AJAP1: variants seen among roughly 807,000 people sequenced by gnomAD.
AJAP1 encodes adherens junction-associated protein 1.
In AJAP1, 5 loss-of-function variants were observed where a neutral mutation model predicts 35.0. The observed-to-expected ratio is 0.14, with a 90% confidence interval of 0.07 to 0.30. The LOEUF is 0.30. Among genes scored for constraint, AJAP1 ranks in the 10% least tolerant of loss-of-function variants. AJAP1 has a pLI of 1.00. For synonymous variants in AJAP1, 284 were observed against 249.3 expected, an observed-to-expected ratio of 1.14 and a Z score of -1.31; for missense variants, 586 against 571.0, an observed-to-expected ratio of 1.03 and a Z score of -0.27.
At chr1:4,664,387 A>C (rs1422375588) in intron 1 of AJAP1, among the ~76,000 whole-genome samples, 1 of 152,136 alleles carries the variant, frequency 6.6e-6, no homozygotes, top group Admixed American at 6.5e-5. Flanking sequence ...TGCCCATGGT[A>C]TGGAGGTGAA....
intron 2 of AJAP1, among the ~76,000 whole-genome samples, chr1:4,737,996 A>G (rs888868853): frequency 2.0e-5 from 3 of 152,224 alleles, no homozygotes; most frequent in Admixed American, 6.5e-5. Flanking sequence ...TCAGTTTCAC[A>G]AGAGCTGGTT....
chr1:4,733,618 G>T lies in AJAP1; in HGVS notation c.829+20919G>T, dbSNP rs142712160. Among the ~76,000 whole-genome samples, 502 of 151,764 alleles carry T rather than the reference G, an allele frequency of 3.3e-3. 4 individuals are homozygous for T. Among genetic ancestry groups the T allele is most frequent in the African/African-American group, 0.012 (484 of 41,356 alleles). On this transcript the variant is annotated intron_variant, in intron 2 of 5. Coordinates refer to ENST00000378191, the MANE Select transcript of AJAP1 (RefSeq NM_018836.4). The stretch of plus-strand genomic sequence containing the variant: ...GAGGCCCGCCCTCCTTGTTCTGGAA[G>T]AATGGGATGTGGAACACAGATCCTG...
rs934689883 is a variant in AJAP1 at position 4,675,112 on chromosome 1, C to T, written c.29+19658C>T. 2.6e-5 allele frequency among the ~76,000 whole-genome samples: 4 copies of T among 152,286 alleles called. No individual in the cohort carries two copies. In the South Asian group the frequency reaches 8.3e-4, roughly 32 times the overall value. On this transcript the variant is annotated intron_variant, in intron 1 of 5. Transcript: ENST00000378191. ...GCAAAACCCGTGCCCTCCTCTCCTCCCTAGGCCAGCAATGGGTGTGGGCTT... is the reference window on the plus strand; with the variant it reads ...GCAAAACCCGTGCCCTCCTCTCCTCTCTAGGCCAGCAATGGGTGTGGGCTT...
At position 4,768,621 on chromosome 1, in the gene AJAP1, C is replaced by G. The variant is rs1347292996; in HGVS notation, c.830-1232C>G. 2.6e-5 allele frequency among the ~76,000 whole-genome samples: 4 copies of G among 152,208 alleles called. 1 individual carries two copies. On this transcript the variant is annotated intron_variant, in intron 2 of 5. Coordinates refer to ENST00000378191, the MANE Select transcript of AJAP1 (RefSeq NM_018836.4). Reference sequence around the variant, plus strand: ...GGTTGGTCAGGTGTGAGGGGCGGGTCTCTGCAAAGCAGACACCAAGATGGA... The same window carrying G: ...GGTTGGTCAGGTGTGAGGGGCGGGTGTCTGCAAAGCAGACACCAAGATGGA...
intron 2 of AJAP1, among the ~76,000 whole-genome samples, chr1:4,757,974 A>G (rs1442850612): frequency 6.6e-6 from 1 of 152,066 alleles, no homozygotes; most frequent in Non-Finnish European, 1.5e-5. Flanking sequence ...GATCACCCTC[A>G]TGCTGTTTCT....
rs557548171 is a variant in AJAP1 at position 4,786,630 on chromosome 1, A to G, written c.*4145A>G. 27 of 152,206 alleles carry G rather than the reference A, an allele frequency of 1.8e-4. No individual in the cohort carries two copies. Among genetic ancestry groups the G allele is most frequent in the African/African-American group, 6.0e-4 (25 of 41,544 alleles). The allele number at this position is 152,206 out of a possible 1,614,324, so 9.4% of individuals were successfully genotyped here. ...GACCCTGTCACCTTGGATGGTCTCT[A>G]TTTTGACCCTGTTGCCCATGGAGAG... On this transcript the variant is annotated 3_prime_UTR_variant, in exon 6 of 6. Coordinates refer to ENST00000378191, the MANE Select transcript of AJAP1 (RefSeq NM_018836.4).
chr1:4,664,521 C>T (rs1639073589), intron 1 of AJAP1, among the ~76,000 whole-genome samples: 1 of 152,164 alleles, frequency 6.6e-6, no homozygotes, highest in Admixed American at 6.5e-5. Flanking sequence ...GCTTAGAGTA[C>T]AGCAGGGACC....
intron 2 of AJAP1, among the ~76,000 whole-genome samples, chr1:4,764,349 A>G (rs1030088310): frequency 6.6e-6 from 1 of 152,040 alleles, no homozygotes; most frequent in East Asian, 1.9e-4. Flanking sequence ...ATTTTTTCTT[A>G]GCAGCCTGTT....
At chr1:4,778,607 CTCTCTCTT>C (rs751812424) in intron 5 of AJAP1, among the ~76,000 whole-genome samples, 3 of 138,522 alleles carry the variant, frequency 2.2e-5, no homozygotes, top group Admixed American at 1.5e-4. Flanking sequence ...CTCTCTCTCT[CTCTCTCTT>C]CTCTCTGTCT....
intron 1 of AJAP1, among the ~76,000 whole-genome samples, chr1:4,681,251 C>A (rs950406921): frequency 6.6e-6 from 1 of 152,214 alleles, no homozygotes; most frequent in Admixed American, 6.5e-5. Context: ...CTTTGGAAGC[C>A]CGTGTTTTCA....
At chr1:4,731,227 T>C (rs576557761) in intron 2 of AJAP1, among the ~76,000 whole-genome samples, 11 of 152,194 alleles carry the variant, frequency 7.2e-5, no homozygotes, top group African/African-American at 2.6e-4. Flanking sequence ...ATTACAGGCA[T>C]GCACCACCAT....
chr1:4,702,120 T>C (rs1640002317), intron 1 of AJAP1, among the ~76,000 whole-genome samples: 1 of 151,898 alleles, frequency 6.6e-6, no homozygotes, highest in Non-Finnish European at 1.5e-5. Context: ...TCCCCAGTAT[T>C]CCAACGTGTC....
intron 3 of AJAP1, among the ~76,000 whole-genome samples, chr1:4,771,379 C>T (rs1027435502): frequency 1.3e-5 from 2 of 152,194 alleles, no homozygotes; most frequent in Non-Finnish European, 2.9e-5. Context: ...AGGAGACGGG[C>T]GCATCCCCCC....
intron 1 of AJAP1, among the ~76,000 whole-genome samples, chr1:4,691,823 G>A (rs1639746795): frequency 6.6e-6 from 1 of 152,134 alleles, no homozygotes; most frequent in Admixed American, 6.5e-5. Context: ...GGGGGCCCAT[G>A]ACCTGCAGAC....
intron 2 of AJAP1, among the ~76,000 whole-genome samples, chr1:4,758,747 C>G (rs1641496549): frequency 6.6e-6 from 1 of 152,208 alleles, no homozygotes; most frequent in Non-Finnish European, 1.5e-5. Context: ...CCACCCAACC[C>G]TGTGCTGGAG....
chr1:4,709,102 G>A lies in AJAP1; in HGVS notation c.30-2798G>A, dbSNP rs562415978. On this transcript the variant is annotated intron_variant, in intron 1 of 5. Coordinates refer to ENST00000378191, the MANE Select transcript of AJAP1 (RefSeq NM_018836.4). The stretch of plus-strand genomic sequence containing the variant: ...ATCCTGTGTGTGAAGTTATGCCAGC[G>A]AGGCAGGCACGGGCTTAGGTGCTAT... Among the ~76,000 whole-genome samples the A allele has an allele frequency of 4.6e-5, 7 of 152,352 alleles. No individual in the cohort carries two copies. The South Asian group carries it at 8.3e-4, about 18-fold the overall frequency.
rs1414798309 is a variant in AJAP1 at position 4,772,238 on chromosome 1, G to C, written c.918-42G>C. On this transcript the variant is annotated intron_variant, in intron 3 of 5. Transcript: ENST00000378191. The stretch of plus-strand genomic sequence containing the variant: ...TCTGGAGTTGTGTTTGTGGGTTTCC[G>C]GCCTCTGCCCGTCCCCCTACCCCAA... 3 of 1,608,734 alleles carry C rather than the reference G, an allele frequency of 1.9e-6. No individual in the cohort carries two copies. In the East Asian group the frequency reaches 6.7e-5, roughly 36 times the overall value.
intron 1 of AJAP1, among the ~76,000 whole-genome samples, chr1:4,667,378 C>T (rs1411248573): frequency 4.6e-5 from 7 of 152,170 alleles, no homozygotes; most frequent in African/African-American, 7.2e-5. Flanking sequence ...CCTGCCCCTC[C>T]GTGGGGACCT....
chr1:4,739,607 G>T (rs1414344205), intron 2 of AJAP1, among the ~76,000 whole-genome samples: 1 of 152,208 alleles, frequency 6.6e-6, no homozygotes, highest in Admixed American at 6.5e-5. Context: ...CACACGAGCT[G>T]TTGGTATTTT....
Sources: allele counts gnomAD v4.1 joint callset (sites outside exome capture counted in the v4.1 genomes callset), GRCh38; gene constraint gnomAD v4.1.1; transcripts MANE v1.5; gene names NCBI Gene and HGNC (gene_info 2026-07-23, HGNC 2026-07-21).